Variants in PVT1 observed in about 807,000 individuals in gnomAD.
PVT1 encodes the protein Pvt1 oncogene.
intron 3 of PVT1, among the ~76,000 whole-genome samples, chr8:127,934,553 C>T (rs1423411291): frequency 6.6e-6 from 1 of 152,188 alleles, no homozygotes; most frequent in African/African-American, 2.4e-5. Context: ...TTAGGGACTC[C>T]CAGAATGGTC....
At chr8:127,859,042 G>C (rs968450728) in intron 2 of PVT1, among the ~76,000 whole-genome samples, 1 of 151,928 alleles carries the variant, frequency 6.6e-6, no homozygotes, top group South Asian at 2.1e-4. Context: ...TCCAGAGCTC[G>C]AGTGATTCTC....
chr8:127,823,188 A>G (rs1814752348), intron 2 of PVT1, among the ~76,000 whole-genome samples: 1 of 152,174 alleles, frequency 6.6e-6, no homozygotes, highest in South Asian at 2.1e-4. Flanking sequence ...GGAATGGTGC[A>G]TATCTAAAGG....
chr8:127,983,221 G>A (rs1161722193), intron 3 of PVT1, among the ~76,000 whole-genome samples: 1 of 152,136 alleles, frequency 6.6e-6, no homozygotes, highest in Non-Finnish European at 1.5e-5. Context: ...TTTCCTGATG[G>A]CCCTGCCAGC....
rs560932224 is a variant in PVT1 at position 128,097,925 on chromosome 8, A to T, written n.1251+1271A>T. On this transcript the variant is annotated intron_variant and non_coding_transcript_variant, in intron 6 of 10. Transcript: ENST00000651587. ...GCCCCCAGCCAGCTCCTACTCAGAGATTTCCTGCAGGGACTTAGACGAGGC... is the reference window on the plus strand; with the variant it reads ...GCCCCCAGCCAGCTCCTACTCAGAGTTTTCCTGCAGGGACTTAGACGAGGC... Among the ~76,000 whole-genome samples the T allele has an allele frequency of 4.4e-4, 67 of 151,966 alleles. 2 individuals are homozygous for T. The highest frequency in any genetic ancestry group is 1.0e-4 in the Non-Finnish European group (7 of 67,978).
intron 5 of PVT1, among the ~76,000 whole-genome samples, chr8:128,090,328 G>A (rs1006078201): frequency 2.0e-5 from 3 of 152,196 alleles, no homozygotes; most frequent in Admixed American, 6.5e-5. Flanking sequence ...AAAAGACTGC[G>A]TGCCCAAACT....
At chr8:127,906,531 C>A (rs1815823052) in intron 3 of PVT1, among the ~76,000 whole-genome samples, 1 of 152,082 alleles carries the variant, frequency 6.6e-6, no homozygotes, top group African/African-American at 2.4e-5. Flanking sequence ...GATTGTAACT[C>A]TTTGGTGTGA....
At chr8:127,838,576 G>A (rs1416669927) in intron 2 of PVT1, among the ~76,000 whole-genome samples, 9 of 152,132 alleles carry the variant, frequency 5.9e-5, no homozygotes, top group Non-Finnish European at 1.2e-4. Flanking sequence ...GTGCTGGCAG[G>A]CACCTGTAAT....
intron 2 of PVT1, among the ~76,000 whole-genome samples, chr8:127,818,514 G>A (rs1029835503): frequency 2.0e-5 from 3 of 152,150 alleles, no homozygotes; most frequent in Non-Finnish European, 4.4e-5. Flanking sequence ...CAGGCTCAGC[G>A]CCTGGGCTTT....
chr8:127,919,417 G>T (rs1816030113), intron 3 of PVT1, among the ~76,000 whole-genome samples: 1 of 152,166 alleles, frequency 6.6e-6, no homozygotes, highest in Non-Finnish European at 1.5e-5. Context: ...TATTGACTTA[G>T]CGACACAGTC....
intron 3 of PVT1, among the ~76,000 whole-genome samples, chr8:127,924,838 G>A (rs924124654): frequency 2.0e-5 from 3 of 151,872 alleles, no homozygotes; most frequent in Admixed American, 6.6e-5. Flanking sequence ...AGTAGAGATG[G>A]GGTTTTGCCA....
intron 2 of PVT1, chr8:127,855,148 C>G (rs1031158960): frequency 2.8e-5 from 11 of 398,702 alleles, no homozygotes; most frequent in Non-Finnish European, 4.9e-5. Context: ...CTGGAATCTT[C>G]CCTAAGGACC....
chr8:128,001,587 C>CA, intron 4 of PVT1, among the ~76,000 whole-genome samples: 1 of 152,196 alleles, frequency 6.6e-6, no homozygotes, highest in South Asian at 2.1e-4. Flanking sequence ...GAGCCACTCA[C>CA]AGAGTGGGAA....
At chr8:127,990,611 G>A (rs996521061) in intron 4 of PVT1, among the ~76,000 whole-genome samples, 2 of 152,236 alleles carry the variant, frequency 1.3e-5, no homozygotes, top group African/African-American at 4.8e-5. Context: ...CTGTGGACTG[G>A]TGAGAAGACA....
At position 127,960,789 on chromosome 8, in the gene PVT1, C is replaced by A. The variant is rs182340779; in HGVS notation, n.783-28373C>A. 7.8e-5 allele frequency: 29 copies of A among 371,398 alleles called. 1 individual carries two copies. The East Asian group carries it at 2.2e-3, about 29-fold the overall frequency. 23.0% of individuals were successfully genotyped at this position (371,398 alleles called of 1,614,324 possible). A position where few individuals can be genotyped will look rare whatever the true frequency, so the allele number is the denominator to read the frequency against. On this transcript the variant is annotated intron_variant and non_coding_transcript_variant, in intron 3 of 10. Transcript: ENST00000651587. ...TATTGTTTCAATTTCCTGGACACTT[C>A]AAAACATAGGGTATTTCTCATTATG...
At chr8:128,021,169 A>G (rs1464532738) in intron 4 of PVT1, among the ~76,000 whole-genome samples, 1 of 151,948 alleles carries the variant, frequency 6.6e-6, no homozygotes, top group African/African-American at 2.4e-5. Context: ...CTCCCTAGCT[A>G]CAGACATCCT....
chr8:127,872,553 C>T (rs1815362787), intron 2 of PVT1, among the ~76,000 whole-genome samples: 1 of 152,040 alleles, frequency 6.6e-6, no homozygotes, highest in Non-Finnish European at 1.5e-5. Context: ...ATCTCATGTA[C>T]CCTATAAATA....
intron 2 of PVT1, among the ~76,000 whole-genome samples, chr8:127,854,255 A>G (rs1815138876): frequency 6.6e-6 from 1 of 152,212 alleles, no homozygotes. Context: ...GGCGGAGGGC[A>G]GGGGGCATTC....
intron 3 of PVT1, among the ~76,000 whole-genome samples, chr8:127,968,178 C>T (rs1366949904): frequency 6.6e-6 from 1 of 152,100 alleles, no homozygotes; most frequent in Admixed American, 6.6e-5. Flanking sequence ...ATTGGGAGAA[C>T]CTGCAAAACA....
chr8:128,012,476 A>G (rs1316207515), intron 4 of PVT1, among the ~76,000 whole-genome samples: 1 of 152,190 alleles, frequency 6.6e-6, no homozygotes, highest in Non-Finnish European at 1.5e-5. Context: ...TCAAGAGTTG[A>G]GTGAGTTTAG....
Sources: gnomAD v4.1 joint callset for allele counts (sites outside exome capture counted in the v4.1 genomes callset) on GRCh38, gnomAD v4.1.1 for gene constraint, MANE v1.5 for transcripts, NCBI Gene and HGNC (gene_info 2026-07-23, HGNC 2026-07-21) for gene names.